Variants in CATSPERG observed in about 807,000 individuals in gnomAD.
CATSPERG encodes catsper channel auxiliary subunit gamma, also known as cation channel sperm-associated auxiliary subunit gamma.
CATSPERG carries 115 observed loss-of-function variants against 145.0 expected under a neutral mutation model. The ratio of observed to expected loss-of-function variants is 0.79; its 90% confidence interval spans 0.68 to 0.93. The LOEUF (loss-of-function observed/expected upper bound fraction) is 0.93, where lower values mean the gene tolerates loss of function less well. Ranked by LOEUF, CATSPERG falls within the 40% of genes least tolerant of loss-of-function variation. The pLI is 0.00. For synonymous variants in CATSPERG, 588 were observed against 589.0 expected (o/e 1.00, Z 0.02); for missense variants, 1,296 against 1,490.1 (o/e 0.87, Z 2.14).
intron 7 of CATSPERG, among the ~76,000 whole-genome samples, 192 bp from the exon 8 acceptor site, chr19:38,352,069 C>T (rs1268923317): frequency 1.3e-5 from 2 of 152,216 alleles, no homozygotes; most frequent in African/African-American, 2.4e-5. Flanking sequence ...GCCTGGGTCA[C>T]CTGCTTCTCT....
At chr19:38,345,661 C>T (rs1970029660) in intron 6 of CATSPERG, among the ~76,000 whole-genome samples, 1 of 151,026 alleles carries the variant, frequency 6.6e-6, no homozygotes, top group African/African-American at 2.4e-5. Context: ...CGTGCCACCA[C>T]ACCCAGCTAA....
intron 19 of CATSPERG, 44 bp downstream of exon 19, chr19:38,362,618 C>T: frequency 6.2e-7 from 1 of 1,606,204 alleles, no homozygotes; most frequent in Non-Finnish European, 8.5e-7. Flanking sequence ...GGGGCGAGGG[C>T]TACCAGAATC....
At chr19:38,369,835 A>G in intron 26 of CATSPERG, 137 bp from the exon 27 acceptor site, 1 of 790,996 alleles carries the variant, frequency 1.3e-6, no homozygotes, top group Non-Finnish European at 2.2e-6. Context: ...GAATGAGTGA[A>G]TGAAGGAATG....
At chr19:38,340,621 A>G (rs1031316382) in intron 3 of CATSPERG, among the ~76,000 whole-genome samples, 6 of 150,830 alleles carry the variant, frequency 4.0e-5, no homozygotes, top group African/African-American at 1.2e-4. Flanking sequence ...CGCCCGGCCA[A>G]TAATTTTATT....
rs1357904624 is a variant in CATSPERG, at chr19:38,336,975, C to G, written c.-14-246C>G. On this transcript the variant is annotated intron_variant, in intron 1 of 28. Coordinates refer to ENST00000409235, the MANE Select transcript of CATSPERG (RefSeq NM_021185.5). ...GCCAGGAGCAAGAGCAGGGGCGGGACCAGGAGCAAGTGCAGAGGCGGAGCC... is the reference window on the plus strand; with the variant it reads ...GCCAGGAGCAAGAGCAGGGGCGGGAGCAGGAGCAAGTGCAGAGGCGGAGCC... 2.5e-5 allele frequency: 14 copies of G among 568,972 alleles called. No individual in the cohort carries two copies. In the Admixed American group the frequency reaches 4.3e-4, roughly 18 times the overall value. 35.2% of individuals were successfully genotyped at this position (568,972 alleles called of 1,614,324 possible). A position where few individuals can be genotyped will look rare whatever the true frequency, so the allele number is the denominator to read the frequency against.
In CATSPERG at chr19:38,337,232, G is replaced by C. The variant is rs1460130589; in HGVS notation, c.-3G>C. ...CCTGCGTTCTCCAGGTTCTAGCCAC[G>C]TTATGTGCGGCCCAGCCATGTTCCC... On this transcript the variant is annotated 5_prime_UTR_variant, in exon 2 of 29. Coordinates refer to ENST00000409235, the MANE Select transcript of CATSPERG (RefSeq NM_021185.5). The C allele has an allele frequency of 2.6e-6, 4 of 1,550,878 alleles. No individual in the cohort carries two copies. Among genetic ancestry groups the C allele is most frequent in the Non-Finnish European group, 3.5e-6 (4 of 1,146,812 alleles).
At chr19:38,347,302 C>T (rs948200605) in intron 7 of CATSPERG, among the ~76,000 whole-genome samples, 38 of 151,962 alleles carry the variant, frequency 2.5e-4, no homozygotes, top group Non-Finnish European at 2.8e-4. Flanking sequence ...GGCATGAAGC[C>T]GGGAGGCGGA....
rs556572932 is a variant in CATSPERG, at chr19:38,354,701, C to T, written c.998-9C>T. The T allele has an allele frequency of 1.0e-4, 167 of 1,613,644 alleles. 2 individuals are homozygous for T. The South Asian group carries it at 1.6e-3, about 15-fold the overall frequency. ...ACCTGGGTCTGAGGCCCCATACTGA[C>T]TTCACTAGGCAGTTGGATTCGTGTC... On this transcript the variant is annotated splice_polypyrimidine_tract_variant and intron_variant, in intron 8 of 28. Transcript: ENST00000409235.
chr19:38,344,250 C>T, intron 5 of CATSPERG, 46 bp from the exon 6 acceptor site: 3 of 1,543,746 alleles, frequency 1.9e-6, no homozygotes, highest in Non-Finnish European at 2.6e-6. Flanking sequence ...CTGTGGAACC[C>T]CTGACACTGG....
In CATSPERG at chr19:38,352,329, T is replaced by C. The variant is rs1163006790; in HGVS notation, c.894T>C (p.Tyr298=). 3.2e-6 allele frequency: 5 copies of C among 1,551,772 alleles called. No individual in the cohort carries two copies. The South Asian group carries it at 5.9e-5, about 18-fold the overall frequency. The change falls in exon 8 of 29, where the codon TAT becomes TAC. Residue 298 remains tyrosine, a synonymous_variant. Coordinates refer to ENST00000409235, the MANE Select transcript of CATSPERG (RefSeq NM_021185.5). ...CPHSGFTATI[Y]DTIATESTLF... Reference sequence around the variant, plus strand: ...ATTCTGGCTTCACAGCCACCATCTATGACACTATTGCCACCGAGAGCACCC... The same window carrying C: ...ATTCTGGCTTCACAGCCACCATCTACGACACTATTGCCACCGAGAGCACCC...
In CATSPERG at chr19:38,338,880, A is replaced by C. The variant is rs1969889412; in HGVS notation, c.324+1234A>C. 2.0e-5 allele frequency among the ~76,000 whole-genome samples: 3 copies of C among 151,844 alleles called. No individual in the cohort carries two copies. The South Asian group carries it at 6.2e-4, about 32-fold the overall frequency. On this transcript the variant is annotated intron_variant, in intron 3 of 28. Coordinates refer to ENST00000409235, the MANE Select transcript of CATSPERG (RefSeq NM_021185.5). Reference sequence around the variant, plus strand: ...TGAGACCCTGTCTTTGTTTTTATTAATTAATTAATTAATTTTTGAGATGGA... The same window carrying C: ...TGAGACCCTGTCTTTGTTTTTATTACTTAATTAATTAATTTTTGAGATGGA...
intron 11 of CATSPERG, 28 bp downstream of exon 11, chr19:38,356,889 C>T: frequency 6.2e-7 from 1 of 1,611,680 alleles, no homozygotes; most frequent in Non-Finnish European, 8.5e-7. Context: ...AGGGGCTGGG[C>T]ACAAAGGGGC....
At chr19:38,347,029 A>G (rs1052455629) in intron 7 of CATSPERG, among the ~76,000 whole-genome samples, 5 of 152,054 alleles carry the variant, frequency 3.3e-5, no homozygotes, top group African/African-American at 1.2e-4. Flanking sequence ...TGGACAACAT[A>G]GTGAGACCCC....
intron 7 of CATSPERG, 56 bp from the exon 8 acceptor site, chr19:38,352,205 A>G: frequency 2.0e-6 from 3 of 1,517,558 alleles, no homozygotes; most frequent in Non-Finnish European, 2.7e-6. Flanking sequence ...GCAAGGCAGG[A>G]CATGGGGGCT....
At chr19:38,358,226 T>C (rs971415502) in intron 11 of CATSPERG, 52 bp from the exon 12 acceptor site, 1 of 1,592,180 alleles carries the variant, frequency 6.3e-7, no homozygotes, top group Non-Finnish European at 8.6e-7. Flanking sequence ...CAGCTCCAGG[T>C]TTTGAAAGTG....
At chr19:38,368,233 A>G (rs1970489750) in intron 26 of CATSPERG, 96 bp downstream of exon 26, 6 of 999,888 alleles carry the variant, frequency 6.0e-6, no homozygotes, top group Non-Finnish European at 9.4e-6. Flanking sequence ...TTGATCCCCA[A>G]GTCACACTGA....
rs771650795 is a variant in CATSPERG at position 38,358,295 on chromosome 19, C to G, written c.1333C>G (p.Leu445Val). ...SYNTASDDLE[L>V]LYHIPEFIPE... ...ACCTGTAGCTAGTGATGACCTGGAACTTCTCTACCACATCCCAGAATTCAT... is the reference window on the plus strand; with the variant it reads ...ACCTGTAGCTAGTGATGACCTGGAAGTTCTCTACCACATCCCAGAATTCAT... Residue 445 changes from leucine (L) to valine (V), a missense_variant, in exon 12 of 29, where the codon CTT becomes GTT. Transcript: ENST00000409235. 2.0e-5 allele frequency: 33 copies of G among 1,614,186 alleles called. No homozygotes were observed. The highest frequency in any genetic ancestry group is 2.5e-5 in the Non-Finnish European group (29 of 1,180,020).
Position 38,370,828 on chromosome 19 carries a change from G to T in CATSPERG, c.*36G>T. 6.2e-7 allele frequency: 1 copy of T among 1,603,924 alleles called. No individual in the cohort carries two copies. Among genetic ancestry groups the T allele is most frequent in the Non-Finnish European group, 8.5e-7 (1 of 1,173,136 alleles). On this transcript the variant is annotated 3_prime_UTR_variant, in exon 29 of 29. Coordinates refer to ENST00000409235, the MANE Select transcript of CATSPERG (RefSeq NM_021185.5). The stretch of plus-strand genomic sequence containing the variant: ...TGCCCCAGCCCCCAGTTACTGTCAC[G>T]CCTCTCTTATGAGGCCCATCTTGAA...
intron 3 of CATSPERG, among the ~76,000 whole-genome samples, chr19:38,338,698 T>G (rs1969886247): frequency 6.6e-6 from 1 of 152,068 alleles, no homozygotes; most frequent in Non-Finnish European, 1.5e-5. Context: ...GAGGATCACT[T>G]GCATCCAGAA....
Sources: allele counts gnomAD v4.1 joint callset (sites outside exome capture counted in the v4.1 genomes callset), GRCh38; gene constraint gnomAD v4.1.1; transcripts MANE v1.5; gene names NCBI Gene and HGNC (gene_info 2026-07-23, HGNC 2026-07-21).